The following ISX variants were observed in gnomAD, a reference collection of about 807,000 sequenced individuals.
The protein encoded by ISX is intestine specific homeobox.
In ISX, 15 loss-of-function variants were observed where a neutral mutation model predicts 16.9. The ratio of observed to expected loss-of-function variants is 0.89; its 90% CI spans 0.59 to 1.36. The LOEUF is 1.36. ISX is among the 40% of genes most tolerant of loss of function. The pLI is 0.00. For synonymous variants in ISX, 125 were observed against 119.7 expected (o/e 1.04, Z -0.29); for missense variants, 316 against 306.1 (o/e 1.03, Z -0.24).
At chr22:35,081,669 T>G (rs1228610647) in intron 2 of ISX, among the ~76,000 whole-genome samples, 1 of 152,016 alleles carries the variant, frequency 6.6e-6, no homozygotes, top group Non-Finnish European at 1.5e-5. Flanking sequence ...AGTTGCAGAG[T>G]GGAACCAAGT....
chr22:35,074,056 G>A (rs930340569), intron 2 of ISX, among the ~76,000 whole-genome samples: 10 of 152,324 alleles, frequency 6.6e-5, no homozygotes, highest in South Asian at 2.1e-4. Flanking sequence ...ACCTTCAGCC[G>A]TGATGGGATC....
chr22:35,085,910 C>G lies in ISX; in HGVS notation c.*217C>G. 1.7e-6 allele frequency: 1 copy of G among 597,534 alleles called. No individual in the cohort carries two copies. The highest frequency in any genetic ancestry group is 2.0e-5 in the South Asian group (1 of 50,066). The allele number at this position is 597,534 out of a possible 1,614,324, so 37.0% of individuals were successfully genotyped here. ...CTCTTCTCTCCTGGCTAAAGCTGCT[C>G]TCCTGGTTCAGAAGACAGGCTGGAT... is the stretch of plus-strand genomic sequence containing the variant. On this transcript the variant is annotated 3_prime_UTR_variant, in exon 5 of 5. Transcript: ENST00000404699.
At chr22:35,081,948 T>C (rs1431557978) in intron 2 of ISX, among the ~76,000 whole-genome samples, 1 of 152,142 alleles carries the variant, frequency 6.6e-6, no homozygotes, top group Non-Finnish European at 1.5e-5. Context: ...GCTGGACAGG[T>C]GAGTTGGAGA....
intron 2 of ISX, among the ~76,000 whole-genome samples, chr22:35,076,785 G>A (rs756592331): frequency 5.9e-5 from 9 of 152,148 alleles, no homozygotes; most frequent in African/African-American, 2.4e-5. Context: ...TCTTATGATC[G>A]ATGTGCTAAA....
chr22:35,084,402 G>A lies in ISX; in HGVS notation c.401G>A (p.Arg134Gln), dbSNP rs144899858. 79 of 1,613,608 alleles carry A rather than the reference G, an allele frequency of 4.9e-5. No homozygotes were observed. The Middle Eastern group carries it at 2.6e-3, about 54-fold the overall frequency. ...ARVQIWFQNQ[R>Q]AKWRKQEKIG... ...TTACAGATCTGGTTCCAGAATCAGCGAGCCAAGTGGCGGAAGCAGGAGAAG... is the reference window on the plus strand; with the variant it reads ...TTACAGATCTGGTTCCAGAATCAGCAAGCCAAGTGGCGGAAGCAGGAGAAG... Residue 134 changes from arginine (R) to glutamine (Q), a missense_variant, in exon 4 of 5, where the codon CGA becomes CAA. Physicochemically the swap from Arg to Gln is conservative, Grantham distance 43. Coordinates refer to ENST00000404699, the MANE Select transcript of ISX (RefSeq NM_001303508.2).
chr22:35,084,477 T>C lies in ISX; in HGVS notation c.476T>C (p.Leu159Pro), dbSNP rs1929198689. 2.5e-6 allele frequency: 4 copies of C among 1,612,284 alleles called. No individual in the cohort carries two copies. Among genetic ancestry groups the C allele is most frequent in the African/African-American group, 2.7e-5 (2 of 74,862 alleles). ...PQQLSEASVALPTNLDVAGPT... is the reference protein window; with the variant it reads ...PQQLSEASVAPPTNLDVAGPT... ...CAGCTGAGTGAAGCCAGTGTGGCCC[T>C]GCCCACAAATCTGGATGTGGCTGTA... Residue 159 changes from leucine (L) to proline (P), a missense_variant, in exon 4 of 5, where the codon CTG becomes CCG. By Grantham distance (98) the Leu-to-Pro change is moderately conservative (BLOSUM62 -3). Transcript: ENST00000404699.
chr22:35,082,658 G>A lies in ISX; in HGVS notation c.370G>A (p.Ala124Thr). ...QLAARINLPE[A>T]RVQIWFQNQR... ...GGCAGCCAGGATCAACCTCCCAGAA[G>A]CTCGGGTGCAGGTACAGCCATCCCT... is the stretch of plus-strand genomic sequence containing the variant. Residue 124 changes from alanine (A) to threonine (T), a missense_variant, in exon 3 of 5, where the codon GCT becomes ACT. Ala to Thr is a moderately conservative substitution (Grantham distance 58). Coordinates refer to ENST00000404699, the MANE Select transcript of ISX (RefSeq NM_001303508.2). 1.2e-6 allele frequency: 2 copies of A among 1,614,108 alleles called. No individual in the cohort carries two copies. The highest frequency in any genetic ancestry group is 1.7e-6 in the Non-Finnish European group (2 of 1,180,016).
chr22:35,085,945 G>A lies in ISX; in HGVS notation c.*252G>A, dbSNP rs901514843. On this transcript the variant is annotated 3_prime_UTR_variant, in exon 5 of 5. Transcript: ENST00000404699. ...AGAAGACAGGCTGGATGAGATCTCAGGCCGAGCTCTGAAATAGGGAGGTAA... is the reference window on the plus strand; with the variant it reads ...AGAAGACAGGCTGGATGAGATCTCAAGCCGAGCTCTGAAATAGGGAGGTAA... 72 of 545,460 alleles carry A rather than the reference G, an allele frequency of 1.3e-4. No individual in the cohort carries two copies. The East Asian group carries it at 2.2e-3, about 17-fold the overall frequency. 33.8% of individuals were successfully genotyped at this position (545,460 alleles called of 1,614,324 possible).
At chr22:35,075,298 T>C (rs1928953078) in intron 2 of ISX, among the ~76,000 whole-genome samples, 1 of 152,184 alleles carries the variant, frequency 6.6e-6, no homozygotes, top group Non-Finnish European at 1.5e-5. Flanking sequence ...GAGTCTAAAA[T>C]TCATGGAGCA....
At chr22:35,072,883 T>C (rs1357822610) in intron 2 of ISX, among the ~76,000 whole-genome samples, 4 of 152,178 alleles carry the variant, frequency 2.6e-5, no homozygotes, top group East Asian at 3.8e-4. Context: ...CCTCATAAGA[T>C]TGCAGTAATG....
At chr22:35,076,700 CAG>C (rs1345133716) in intron 2 of ISX, among the ~76,000 whole-genome samples, 3 of 152,168 alleles carry the variant, frequency 2.0e-5, no homozygotes, top group African/African-American at 2.4e-5. Flanking sequence ...AAGAAGCAAT[CAG>C]GGGAGGGTGC....
intron 3 of ISX, among the ~76,000 whole-genome samples, chr22:35,084,105 T>C (rs1929187361): frequency 6.6e-6 from 1 of 152,240 alleles, no homozygotes; most frequent in South Asian, 2.1e-4. Flanking sequence ...AGCTGCCCCA[T>C]TTTGGCTCTA....
chr22:35,077,191 G>T (rs1929005629), intron 2 of ISX, among the ~76,000 whole-genome samples: 1 of 152,204 alleles, frequency 6.6e-6, no homozygotes, highest in Non-Finnish European at 1.5e-5. Context: ...GGCCATCAAT[G>T]AGCTTGTATT....
At chr22:35,080,682 T>A (rs1389890143) in intron 2 of ISX, among the ~76,000 whole-genome samples, 1 of 152,266 alleles carries the variant, frequency 6.6e-6, no homozygotes, top group South Asian at 2.1e-4. Context: ...TGATTCTCTT[T>A]CCTAGTTGTA....
At chr22:35,067,462 A>G in intron 2 of ISX, 146 bp downstream of exon 2, 2 of 632,308 alleles carry the variant, frequency 3.2e-6, no homozygotes, top group East Asian at 5.5e-5. Context: ...TGGTTTCCTG[A>G]TATACCTTTC....
At chr22:35,079,969 C>T (rs1348838148) in intron 2 of ISX, among the ~76,000 whole-genome samples, 1 of 152,162 alleles carries the variant, frequency 6.6e-6, no homozygotes, top group Non-Finnish European at 1.5e-5. Context: ...GTTGAGTCTC[C>T]CATTCTGCCA....
chr22:35,069,792 C>T (rs939393145), intron 2 of ISX, among the ~76,000 whole-genome samples: 4 of 152,182 alleles, frequency 2.6e-5, no homozygotes, highest in Non-Finnish European at 5.9e-5. Flanking sequence ...CAGCAACACC[C>T]TCTCCTGCCC....
At chr22:35,078,344 A>C (rs556551766) in intron 2 of ISX, among the ~76,000 whole-genome samples, 2 of 152,264 alleles carry the variant, frequency 1.3e-5, no homozygotes, top group Middle Eastern at 3.4e-3. Context: ...TACAGAGATG[A>C]CATTCACTGA....
At chr22:35,077,374 C>T (rs939625351) in intron 2 of ISX, among the ~76,000 whole-genome samples, 3 of 152,158 alleles carry the variant, frequency 2.0e-5, no homozygotes, top group Admixed American at 2.0e-4. Flanking sequence ...CCCTCACAGC[C>T]TCCTCTTTTC....
Sources: gnomAD v4.1 joint callset for allele counts (sites outside exome capture counted in the v4.1 genomes callset) on GRCh38, gnomAD v4.1.1 for gene constraint, MANE v1.5 for transcripts, NCBI Gene and HGNC (gene_info 2026-07-23, HGNC 2026-07-21) for gene names.